The following SLC36A1 variants were observed in gnomAD, a reference collection of about 807,000 sequenced individuals.
SLC36A1 encodes the protein solute carrier family 36 member 1.
A neutral mutation model predicts 47.5 loss-of-function variants in SLC36A1; 30 were observed. The observed-to-expected ratio is 0.63, with a 90% confidence interval of 0.47 to 0.86. The LOEUF is 0.86. Ranked by LOEUF, SLC36A1 falls within the 40% of genes least tolerant of loss-of-function variation. The probability of loss-of-function intolerance (pLI) is 0.00; values close to 1 mark genes in which losing one functional copy is unlikely to be tolerated. For missense variants in SLC36A1, 517 were observed against 606.0 expected, an observed-to-expected ratio of 0.85 and a Z score of 1.54; for synonymous variants, 255 against 249.7, an observed-to-expected ratio of 1.02 and a Z score of -0.20.
chr5:151,542,638 C>T, the SLC36A1 span: 2 of 1,614,202 alleles, frequency 1.2e-6, no homozygotes, highest in Non-Finnish European at 1.7e-6. Flanking sequence ...GCTCACCTGG[C>T]CATCTCTCCC....
chr5:151,540,897 C>T, the SLC36A1 span: 1 of 763,014 alleles, frequency 1.3e-6, no homozygotes, highest in South Asian at 2.0e-5. Context: ...TAACTAGGAA[C>T]CCACGATTCT....
the SLC36A1 span, among the ~76,000 whole-genome samples, chr5:151,346,217 G>A: frequency 3.3e-5 from 5 of 152,144 alleles, no homozygotes; most frequent in African/African-American, 1.2e-4. Context: ...ACTTAGCAGT[G>A]GCTGGCCCCA....
the SLC36A1 span, among the ~76,000 whole-genome samples, chr5:151,413,188 T>A: frequency 6.6e-6 from 1 of 151,620 alleles, no homozygotes; most frequent in East Asian, 1.9e-4. Flanking sequence ...TGAAAGAGAG[T>A]GGTGAAATTC....
chr5:151,376,367 A>G, the SLC36A1 span, among the ~76,000 whole-genome samples: 1 of 152,312 alleles, frequency 6.6e-6, no homozygotes, highest in African/African-American at 2.4e-5. Flanking sequence ...TCAAAGAACC[A>G]ACTTTTTGTT....
intron 10 of SLC36A1, among the ~76,000 whole-genome samples, chr5:151,481,243 A>G (rs1313727019): frequency 1.3e-5 from 2 of 152,166 alleles, no homozygotes; most frequent in Admixed American, 6.5e-5. Flanking sequence ...AAGTGTGTGC[A>G]GTTGTTTTTC....
At chr5:151,367,361 A>ATTT in the SLC36A1 span, among the ~76,000 whole-genome samples, 958 of 118,864 alleles carry the variant, frequency 8.1e-3, 24 homozygotes, top group African/African-American at 0.02. Context: ...CCAGGAATGC[A>ATTT]TTTTTTTTTT....
the SLC36A1 span, among the ~76,000 whole-genome samples, chr5:151,513,593 G>C: frequency 1.2e-3 from 165 of 135,914 alleles, 1 homozygote; most frequent in Admixed American, 6.0e-3. Flanking sequence ...GGGCCTACTT[G>C]AGGGCAGAGG....
At chr5:151,514,138 A>G in the SLC36A1 span, among the ~76,000 whole-genome samples, 24,532 of 152,232 alleles carry the variant, frequency 0.16, 2,298 homozygotes, top group Non-Finnish European at 0.2. Flanking sequence ...TTTTTGCCCC[A>G]GTTGAATACT....
chr5:151,396,235 C>T, the SLC36A1 span, among the ~76,000 whole-genome samples: 2 of 152,022 alleles, frequency 1.3e-5, no homozygotes, highest in Non-Finnish European at 2.9e-5. Flanking sequence ...GCCTCAACCT[C>T]CCAAGTAGCT....
At chr5:151,552,736 G>T in the SLC36A1 span, among the ~76,000 whole-genome samples, 1 of 152,330 alleles carries the variant, frequency 6.6e-6, no homozygotes, top group Admixed American at 6.5e-5. Flanking sequence ...CGTAGAATGA[G>T]AATGGGCACT....
chr5:151,526,281 G>A, the SLC36A1 span, among the ~76,000 whole-genome samples: 2 of 152,204 alleles, frequency 1.3e-5, no homozygotes, highest in Admixed American at 1.3e-4. Context: ...ATCACACACT[G>A]CTGAATCATG....
At chr5:151,366,792 A>T in the SLC36A1 span, 1 of 152,824 alleles carries the variant, frequency 6.5e-6, no homozygotes, top group East Asian at 1.9e-4. Flanking sequence ...TATTTTCCAT[A>T]AGTGTCAGCT....
the SLC36A1 span, among the ~76,000 whole-genome samples, chr5:151,425,964 C>CTCTATCTATCTATCTATCTA: frequency 0.033 from 4,902 of 148,124 alleles, 78 homozygotes; most frequent in East Asian, 0.038. Context: ...CTCTCTCTCC[C>CTCTATCTATCTATCTATCTA]TCTATCTATC....
intron 5 of SLC36A1, 147 bp from the exon 6 acceptor site, chr5:151,467,052 C>T (rs1756501406): frequency 1.6e-6 from 1 of 614,170 alleles, no homozygotes; most frequent in Admixed American, 2.9e-5. Context: ...CGCCCAGGCA[C>T]TACCACTATG....
chr5:151,397,887 T>A, the SLC36A1 span, among the ~76,000 whole-genome samples: 2 of 150,244 alleles, frequency 1.3e-5, no homozygotes, highest in Non-Finnish European at 2.9e-5. Flanking sequence ...GAGGCCAAGG[T>A]GGGAGGATCG....
chr5:151,353,322 C>T, the SLC36A1 span, among the ~76,000 whole-genome samples: 1 of 152,278 alleles, frequency 6.6e-6, no homozygotes, highest in African/African-American at 2.4e-5. Context: ...ATGTTTAGGA[C>T]AGAACCAGGC....
In SLC36A1 at chr5:151,488,183, G is replaced by C; in HGVS notation, c.1360G>C (p.Glu454Gln). 6.2e-7 allele frequency: 1 copy of C among 1,614,122 alleles called. No individual in the cohort carries two copies. Among genetic ancestry groups the C allele is most frequent in the Non-Finnish European group, 8.5e-7 (1 of 1,180,012 alleles). The change falls in exon 11 of 11, where the codon GAG becomes CAG. Residue 454 changes from glutamate to glutamine, a missense_variant. Physicochemically the swap from Glu to Gln is conservative, Grantham distance 29. Transcript: ENST00000243389. Reference protein sequence around the residue: ...GFVGFVVGTYEALYELIQPSN... With the variant: ...GFVGFVVGTYQALYELIQPSN... Reference sequence around the variant, plus strand: ...CGTGGGCTTTGTGGTGGGGACCTATGAGGCTCTCTATGAGCTGATCCAGCC... The same window carrying C: ...CGTGGGCTTTGTGGTGGGGACCTATCAGGCTCTCTATGAGCTGATCCAGCC...
chr5:151,479,545 G>T (rs1214566885), intron 10 of SLC36A1, 56 bp downstream of exon 10: 1 of 1,578,030 alleles, frequency 6.3e-7, no homozygotes, highest in Non-Finnish European at 8.7e-7. Flanking sequence ...CACCCAGTCT[G>T]CAGGCTTTCA....
the SLC36A1 span, among the ~76,000 whole-genome samples, chr5:151,345,767 G>A: frequency 6.6e-6 from 1 of 152,208 alleles, no homozygotes. Flanking sequence ...AGTGCGGTAA[G>A]TCATGCAAAG....
Sources: gnomAD v4.1 joint callset for allele counts (sites outside exome capture counted in the v4.1 genomes callset) on GRCh38, gnomAD v4.1.1 for gene constraint, MANE v1.5 for transcripts, NCBI Gene and HGNC (gene_info 2026-07-23, HGNC 2026-07-21) for gene names.